RUFY3: variants seen among roughly 807,000 people sequenced by gnomAD.
RUFY3 encodes protein RUFY3.
Under a neutral mutation model 84.0 loss-of-function variants are expected in RUFY3, and 34 were observed. That is an observed-to-expected ratio of 0.40 (90% confidence interval 0.31 to 0.54). RUFY3 has a LOEUF of 0.54. Among genes scored for constraint, RUFY3 ranks in the 20% least tolerant of loss-of-function variants. The probability of loss-of-function intolerance (pLI) is 0.39; values close to 1 mark genes in which losing one functional copy is unlikely to be tolerated. For synonymous variants in RUFY3, 242 were observed against 252.9 expected (o/e 0.96, Z 0.41); for missense variants, 507 against 736.8 (o/e 0.69, Z 3.61).
At chr4:70,709,329 T>A (rs904137597) in intron 1 of RUFY3, among the ~76,000 whole-genome samples, 1 of 152,206 alleles carries the variant, frequency 6.6e-6, no homozygotes, top group Non-Finnish European at 1.5e-5. Flanking sequence ...AATGTACAAG[T>A]AATACATGAA....
At chr4:70,752,817 T>C (rs570416968) in intron 1 of RUFY3, among the ~76,000 whole-genome samples, 1 of 152,328 alleles carries the variant, frequency 6.6e-6, no homozygotes, top group East Asian at 1.9e-4. Flanking sequence ...TTTACCAGTA[T>C]TTTGTTAAGG....
chr4:70,794,045 C>T, intron 13 of RUFY3, 141 bp downstream of exon 13: 1 of 867,088 alleles, frequency 1.2e-6, no homozygotes, highest in East Asian at 2.7e-5. Flanking sequence ...ATTCAGAAAG[C>T]TTCACGTACT....
At chr4:70,705,139 T>G (rs1328780188) in exon 1 of RUFY3, 2 of 1,452,944 alleles carry the variant, frequency 1.4e-6, no homozygotes. Context: ...TTCTTCCTGC[T>G]GTACCCCGGC....
At chr4:70,799,027 T>TC (rs1731882514) in intron 14 of RUFY3, among the ~76,000 whole-genome samples, 1 of 143,580 alleles carries the variant, frequency 7.0e-6, no homozygotes, top group African/African-American at 2.6e-5. Flanking sequence ...GCGCCTGTAA[T>TC]CCCAGCTACT....
chr4:70,759,575 T>C (rs1432614361), intron 1 of RUFY3, among the ~76,000 whole-genome samples: 1 of 152,216 alleles, frequency 6.6e-6, no homozygotes, highest in Non-Finnish European at 1.5e-5. Flanking sequence ...TAGTTCTACT[T>C]TTAGTTTTTT....
chr4:70,769,343 T>G (rs961290911), intron 5 of RUFY3, among the ~76,000 whole-genome samples: 11 of 152,178 alleles, frequency 7.2e-5, no homozygotes, highest in African/African-American at 2.7e-4. Context: ...AAAAAATTTT[T>G]TAAATAAAAA....
intron 6 of RUFY3, among the ~76,000 whole-genome samples, chr4:70,774,942 G>C (rs1727674305): frequency 6.6e-6 from 1 of 151,850 alleles, no homozygotes; most frequent in South Asian, 2.1e-4. Flanking sequence ...AGGTTTGTAA[G>C]CTATAACAAG....
chr4:70,766,274 G>A (rs1289355684), intron 4 of RUFY3, among the ~76,000 whole-genome samples: 3 of 151,804 alleles, frequency 2.0e-5, no homozygotes, highest in Non-Finnish European at 4.4e-5. Context: ...TAAGAGACTC[G>A]CGCTCTGTCA....
intron 14 of RUFY3, among the ~76,000 whole-genome samples, chr4:70,795,556 T>TA (rs1433014629): frequency 6.6e-6 from 1 of 152,114 alleles, no homozygotes; most frequent in Admixed American, 6.5e-5. Flanking sequence ...ACTTTTTCTG[T>TA]AAAAGACAGT....
At chr4:70,724,291 T>C (rs1415801393) in intron 1 of RUFY3, among the ~76,000 whole-genome samples, 1 of 152,230 alleles carries the variant, frequency 6.6e-6, no homozygotes, top group African/African-American at 2.4e-5. Context: ...TCAGTTTACA[T>C]ATTTTGTTTG....
chr4:70,789,408 C>T lies in RUFY3; in HGVS notation c.1240-87C>T, dbSNP rs569349735. 46 of 1,230,648 alleles carry T rather than the reference C, an allele frequency of 3.7e-5. No homozygotes were observed. The East Asian group carries it at 1.0e-3, about 28-fold the overall frequency. 76.2% of individuals were successfully genotyped at this position (1,230,648 alleles called of 1,614,324 possible). ...GAAATATATGAACATTTCTGTTTTCCCACTTACCATTAGATTCAAAAGGCA... is the reference window on the plus strand; with the variant it reads ...GAAATATATGAACATTTCTGTTTTCTCACTTACCATTAGATTCAAAAGGCA... On this transcript the variant is annotated intron_variant, in intron 11 of 17. Coordinates refer to ENST00000381006, the MANE Select transcript of RUFY3 (RefSeq NM_001037442.4).
intron 1 of RUFY3, chr4:70,741,599 T>A: frequency 6.6e-7 from 1 of 1,514,022 alleles, no homozygotes; most frequent in Non-Finnish European, 8.8e-7. Context: ...TTTATCTTTC[T>A]TTTCCTTTCT....
At chr4:70,770,806 C>T (rs1217562838) in intron 5 of RUFY3, among the ~76,000 whole-genome samples, 3 of 152,188 alleles carry the variant, frequency 2.0e-5, no homozygotes, top group Admixed American at 6.5e-5. Context: ...TCTTCTCTTT[C>T]GACATGCCTT....
chr4:70,715,895 C>T (rs112869780), intron 1 of RUFY3, among the ~76,000 whole-genome samples: 1,532 of 152,182 alleles, frequency 0.01, 29 homozygotes, highest in African/African-American at 0.036. Flanking sequence ...GGGCAGATCA[C>T]GAGGTCAGGA....
At chr4:70,780,273 TTTTTG>T (rs919392076) in intron 8 of RUFY3, among the ~76,000 whole-genome samples, 5 of 151,678 alleles carry the variant, frequency 3.3e-5, no homozygotes, top group African/African-American at 9.7e-5. Flanking sequence ...GTTTTTTGTT[TTTTTG>T]TTTTGTTTTG....
At chr4:70,780,770 T>C (rs1476175286) in intron 8 of RUFY3, among the ~76,000 whole-genome samples, 1 of 152,228 alleles carries the variant, frequency 6.6e-6, no homozygotes, top group Non-Finnish European at 1.5e-5. Context: ...TCAATAAATA[T>C]AGTTGTTAAT....
chr4:70,721,776 T>C (rs1274063197), upstream of RUFY3: 4 of 784,870 alleles, frequency 5.1e-6, no homozygotes, highest in Non-Finnish European at 6.2e-6. Context: ...TAAGAAGAAT[T>C]GATGAGGATA....
At chr4:70,748,172 CA>C (rs1722532767) in intron 1 of RUFY3, among the ~76,000 whole-genome samples, 1 of 152,180 alleles carries the variant, frequency 6.6e-6, no homozygotes, top group African/African-American at 2.4e-5. Flanking sequence ...ATTCTCTGCT[CA>C]AAACTACAGT....
At chr4:70,759,664 T>A (rs888276936) in intron 1 of RUFY3, among the ~76,000 whole-genome samples, 1 of 152,204 alleles carries the variant, frequency 6.6e-6, no homozygotes, top group Non-Finnish European at 1.5e-5. Flanking sequence ...TTCCCTTTTT[T>A]CTGCATCCAC....
Sources: gnomAD v4.1 joint callset for allele counts (sites outside exome capture counted in the v4.1 genomes callset) on GRCh38, gnomAD v4.1.1 for gene constraint, MANE v1.5 for transcripts, NCBI Gene and HGNC (gene_info 2026-07-23, HGNC 2026-07-21) for gene names.